The following RLF variants were observed in gnomAD, a reference collection of about 807,000 sequenced individuals.
RLF encodes the protein zinc finger protein Rlf.
A neutral mutation model predicts 162.9 loss-of-function variants in RLF; 7 were observed. The ratio of observed to expected loss-of-function variants is 0.04; its 90% CI spans 0.02 to 0.08. The LOEUF (loss-of-function observed/expected upper bound fraction) is 0.08. Ranked by LOEUF, RLF falls within the 10% of genes least tolerant of loss-of-function variation. The pLI is 1.00. For synonymous variants in RLF, 782 were observed against 791.5 expected, an observed-to-expected ratio of 0.99 and a Z score of 0.20; for missense variants, 1,664 against 2,244.7, an observed-to-expected ratio of 0.74 and a Z score of 5.23.
intron 1 of RLF, among the ~76,000 whole-genome samples, chr1:40,163,648 A>G (rs1329596954): frequency 2.0e-5 from 3 of 152,226 alleles, no homozygotes; most frequent in African/African-American, 7.2e-5. Flanking sequence ...AGACTAATAA[A>G]TGAAACAAGA....
At position 40,239,230 on chromosome 1, in the gene RLF, T is replaced by A. The variant is rs1643258610; in HGVS notation, c.4528T>A (p.Ser1510Thr). 1 of 1,614,086 alleles carries A rather than the reference T, an allele frequency of 6.2e-7. No homozygotes were observed. Among genetic ancestry groups the A allele is most frequent in the South Asian group, 1.1e-5 (1 of 91,078 alleles). ...GCATGAACATCAGACCACCAGGAGA[T>A]CATTTAATGCTAAGTCTAAAAAATG... ...QGHEHQTTRR[S>T]FNAKSKKCGL... The change falls in exon 8 of 8, where the codon TCA becomes ACA. Residue 1510 changes from serine to threonine, a missense_variant. This residue lies in a region of RLF where 200 missense variants were observed against 207.3 expected (regional missense o/e 0.96). Coordinates refer to ENST00000372771, the MANE Select transcript of RLF (RefSeq NM_012421.4).
chr1:40,173,073 G>GGT (rs1553171846), intron 1 of RLF, among the ~76,000 whole-genome samples: 27 of 129,008 alleles, frequency 2.1e-4, no homozygotes, highest in African/African-American at 8.7e-4. Flanking sequence ...TAACATTCAG[G>GGT]TTTTTTTTTT....
intron 4 of RLF, among the ~76,000 whole-genome samples, chr1:40,200,241 C>T (rs899823090): frequency 6.6e-6 from 1 of 152,174 alleles, no homozygotes; most frequent in Non-Finnish European, 1.5e-5. Context: ...GAAATGGGCA[C>T]TTACATATTG....
At chr1:40,204,259 C>T (rs1642759153) in intron 5 of RLF, among the ~76,000 whole-genome samples, 1 of 152,122 alleles carries the variant, frequency 6.6e-6, no homozygotes, top group Non-Finnish European at 1.5e-5. Flanking sequence ...TCATGATCCA[C>T]ACGCCTCGGC....
chr1:40,208,580 T>C (rs1038439265), intron 5 of RLF, among the ~76,000 whole-genome samples: 1 of 152,114 alleles, frequency 6.6e-6, no homozygotes, highest in African/African-American at 2.4e-5. Context: ...TTTGGGATGC[T>C]GAGGAGGGAA....
chr1:40,205,377 T>A, intron 5 of RLF, among the ~76,000 whole-genome samples: 1 of 152,164 alleles, frequency 6.6e-6, no homozygotes, highest in East Asian at 1.9e-4. Flanking sequence ...ATAACGCTGC[T>A]TTAGATCCTG....
chr1:40,202,427 C>T lies in RLF; in HGVS notation c.623C>T (p.Ala208Val), dbSNP rs778273279. The T allele has an allele frequency of 8.9e-6, 14 of 1,572,508 alleles. No individual in the cohort carries two copies. In the Admixed American group the frequency reaches 1.4e-4, roughly 16 times the overall value. Residue 208 changes from alanine (A) to valine (V), a missense_variant, in exon 5 of 8, where the codon GCA (alanine) becomes GTA (valine). Physicochemically the swap from Ala to Val is moderately conservative, Grantham distance 64 (BLOSUM62 0). Coordinates refer to ENST00000372771, the MANE Select transcript of RLF (RefSeq NM_012421.4). ...VETEEVNKLI[A>V]QEGPSFLQMR... The stretch of plus-strand genomic sequence containing the variant: ...TTTTTTCTAGTCAATAAATTGATTG[C>T]ACAAGAAGGACCTTCCTTTCTGCAA...
chr1:40,169,686 T>TG (rs1269359767), intron 1 of RLF, among the ~76,000 whole-genome samples: 2 of 149,332 alleles, frequency 1.3e-5, no homozygotes, highest in Non-Finnish European at 3.0e-5. Flanking sequence ...TCATATAAGT[T>TG]GGGATAAGCT....
chr1:40,193,960 TTAAAA>T (rs1206319500), intron 3 of RLF, among the ~76,000 whole-genome samples: 1 of 152,116 alleles, frequency 6.6e-6, no homozygotes, highest in African/African-American at 2.4e-5. Flanking sequence ...TTTCAGGAGT[TTAAAA>T]TAAGGGAAAC....
intron 1 of RLF, among the ~76,000 whole-genome samples, chr1:40,184,363 G>A (rs959510602): frequency 2.6e-5 from 4 of 152,166 alleles, no homozygotes; most frequent in Non-Finnish European, 4.4e-5. Context: ...GATATTGGGG[G>A]CCTGGTTTAG....
intron 5 of RLF, among the ~76,000 whole-genome samples, chr1:40,214,022 G>C (rs9439015): frequency 0.079 from 11,954 of 152,170 alleles, 575 homozygotes; most frequent in East Asian, 0.23. Flanking sequence ...ATCTAATCTT[G>C]CCTTTTCCTA....
At chr1:40,196,307 T>C (rs1415610777) in intron 4 of RLF, among the ~76,000 whole-genome samples, 2 of 152,048 alleles carry the variant, frequency 1.3e-5, no homozygotes, top group Non-Finnish European at 2.9e-5. Context: ...CTCCTGACAT[T>C]GTGATCCACC....
chr1:40,238,843 A>G lies in RLF; in HGVS notation c.4141A>G (p.Lys1381Glu). The G allele has an allele frequency of 6.2e-7, 1 of 1,614,166 alleles. No individual in the cohort carries two copies. The highest frequency in any genetic ancestry group is 8.5e-7 in the Non-Finnish European group (1 of 1,179,996). The change falls in exon 8 of 8, where the codon AAG (lysine) becomes GAG (glutamate). Residue 1381 changes from lysine (K) to glutamate (E), a missense_variant. Lys to Glu is a moderately conservative substitution (Grantham distance 56). Around this residue, in one of 15 missense-constraint regions of RLF, gnomAD observed 200 missense variants for 207.3 expected, o/e 0.96. Transcript: ENST00000372771. This position sits in a 1 kb window ranked among gnomAD's most constrained non-coding sequence, Gnocchi z 5.2. ...KRFLCSKALA[K>E]HCSDSHNLDH... The stretch of plus-strand genomic sequence containing the variant: ...CTTCCTGTGTTCCAAAGCTCTTGCT[A>G]AGCACTGTAGTGATTCTCATAACCT...
At chr1:40,203,409 G>C (rs1018745921) in intron 5 of RLF, among the ~76,000 whole-genome samples, 4 of 151,862 alleles carry the variant, frequency 2.6e-5, no homozygotes, top group African/African-American at 9.7e-5. Flanking sequence ...CAGGCATGGT[G>C]GTGGGCGCCT....
chr1:40,239,858 C>A lies in RLF; in HGVS notation c.5156C>A (p.Pro1719His). The change falls in exon 8 of 8, where the codon CCT (proline) becomes CAT (histidine). Residue 1719 changes from proline (P) to histidine (H), a missense_variant. Pro to His is a moderately conservative substitution (Grantham distance 77). Transcript: ENST00000372771. ...ACTTATTTCACAAGTTTCCAGCTGCCTTTACCAAGGATCAAAGAATCAGAA... is the reference window on the plus strand; with the variant it reads ...ACTTATTTCACAAGTTTCCAGCTGCATTTACCAAGGATCAAAGAATCAGAA... ...SGTYFTSFQLPLPRIKESETR... is the reference protein window; with the variant it reads ...SGTYFTSFQLHLPRIKESETR... 1 of 1,613,916 alleles carries A rather than the reference C, an allele frequency of 6.2e-7. No individual in the cohort carries two copies. The highest frequency in any genetic ancestry group is 1.1e-5 in the South Asian group (1 of 91,086).
intron 1 of RLF, among the ~76,000 whole-genome samples, chr1:40,164,737 T>TA (rs370685210): frequency 1.3e-5 from 2 of 152,218 alleles, no homozygotes; most frequent in African/African-American, 4.8e-5. Context: ...ACTTTTTTTT[T>TA]AGTAAACTTC....
chr1:40,172,131 C>G (rs752745770), intron 1 of RLF, among the ~76,000 whole-genome samples: 3 of 152,128 alleles, frequency 2.0e-5, no homozygotes, highest in Non-Finnish European at 4.4e-5. Flanking sequence ...GCAACACCTT[C>G]AACACTCTTA....
chr1:40,162,724 C>T (rs1642111302), intron 1 of RLF, among the ~76,000 whole-genome samples: 1 of 152,218 alleles, frequency 6.6e-6, no homozygotes, highest in African/African-American at 2.4e-5. Flanking sequence ...AGCACCTCAT[C>T]TCTCTGAATG....
intron 3 of RLF, among the ~76,000 whole-genome samples, chr1:40,192,963 A>AC (rs1470727917): frequency 1.3e-5 from 2 of 152,094 alleles, no homozygotes; most frequent in African/African-American, 4.8e-5. Flanking sequence ...TTTTTTACAT[A>AC]ATAATCATGG....
Sources: gnomAD v4.1 joint callset for allele counts (sites outside exome capture counted in the v4.1 genomes callset) on GRCh38, gnomAD v4.1.1 for gene constraint, gnomAD v4.1.1 regional missense constraint, Gnocchi (gnomAD v3.1) non-coding constraint, MANE v1.5 for transcripts, NCBI Gene and HGNC (gene_info 2026-07-23, HGNC 2026-07-21) for gene names.